HEATR5B: variants seen among roughly 807,000 people sequenced by gnomAD.
HEATR5B encodes HEAT repeat containing 5B.
HEATR5B carries 156 observed loss-of-function variants against 224.1 expected under a neutral mutation model. The observed-to-expected ratio is 0.70, with a 90% CI of 0.61 to 0.80. The LOEUF is 0.80. Among genes scored for constraint, HEATR5B ranks in the 30% least tolerant of loss-of-function variants. HEATR5B has a pLI of 0.00. For synonymous variants in HEATR5B, 1,027 were observed against 893.0 expected (o/e 1.15, Z -2.68); for missense variants, 2,323 against 2,535.5 (o/e 0.92, Z 1.80).
chr2:37,005,828 T>C lies in HEATR5B; in HGVS notation c.4778-69A>G, dbSNP rs1409387111. On this transcript the variant is annotated intron_variant, in intron 29 of 35. Coordinates refer to ENST00000233099, the MANE Select transcript of HEATR5B (RefSeq NM_019024.3). The stretch of plus-strand genomic sequence containing the variant: ...ACTTTATGTTGTTTGATCCCATATT[T>C]CTTCTCTATTTATGTTTTTACAGAT... The C allele has an allele frequency of 4.8e-6, 6 of 1,244,082 alleles. No homozygotes were observed. In the East Asian group the frequency reaches 1.5e-4, roughly 31 times the overall value. The allele number at this position is 1,244,082 out of a possible 1,614,324, so 77.1% of individuals were successfully genotyped here.
intron 18 of HEATR5B, among the ~76,000 whole-genome samples, chr2:37,048,272 C>T (rs1232148967): frequency 6.6e-6 from 1 of 151,630 alleles, no homozygotes; most frequent in Non-Finnish European, 1.5e-5. Context: ...GCAACCTCCA[C>T]CTCCCAGGCT....
In HEATR5B at chr2:37,034,599, C is replaced by T. The variant is rs545326315; in HGVS notation, c.3217-1826G>A. On this transcript the variant is annotated intron_variant, in intron 21 of 35. Coordinates refer to ENST00000233099, the MANE Select transcript of HEATR5B (RefSeq NM_019024.3). ...CTGCACTCCAGCCTGGGCGACACAGCGAGACTCTGTCTCAAAAAAAAAAAA... is the reference window on the plus strand; with the variant it reads ...CTGCACTCCAGCCTGGGCGACACAGTGAGACTCTGTCTCAAAAAAAAAAAA... Among the ~76,000 whole-genome samples, 435 of 108,534 alleles carry T rather than the reference C, an allele frequency of 4.0e-3. 1 individual carries two copies. The highest frequency in any genetic ancestry group is 5.2e-3 in the Non-Finnish European group (302 of 58,638). 71.2% of individuals were successfully genotyped at this position (108,534 alleles called of 152,430 possible).
At chr2:36,997,012 C>T (rs1239435990) in intron 33 of HEATR5B, among the ~76,000 whole-genome samples, 1 of 152,086 alleles carries the variant, frequency 6.6e-6, no homozygotes, top group African/African-American at 2.4e-5. Flanking sequence ...TAAGCCACTG[C>T]GTTTGGCCTC....
intron 24 of HEATR5B, among the ~76,000 whole-genome samples, chr2:37,023,044 G>C (rs887484455): frequency 1.3e-5 from 2 of 151,890 alleles, no homozygotes; most frequent in African/African-American, 4.8e-5. Flanking sequence ...ACTTTAAATA[G>C]CTATTATCAA....
At chr2:37,060,223 G>A (rs1005553565) in intron 12 of HEATR5B, among the ~76,000 whole-genome samples, 1 of 152,126 alleles carries the variant, frequency 6.6e-6, no homozygotes, top group Non-Finnish European at 1.5e-5. Flanking sequence ...AATAACTTTG[G>A]TAATCCTGAG....
chr2:37,009,773 G>C (rs10208258), intron 27 of HEATR5B, among the ~76,000 whole-genome samples: 3 of 145,306 alleles, frequency 2.1e-5, no homozygotes, highest in Admixed American at 6.9e-5. Flanking sequence ...AGCACCCCCC[G>C]CCTCCACTTT....
rs937483665 is a variant in HEATR5B at position 37,084,343 on chromosome 2, T to C, written c.-97A>G. ...CACCAAGAGACCCGGATGCCCCACCTCCCGCACTCCTACCTGCAGGAAACA... is the reference window on the plus strand; with the variant it reads ...CACCAAGAGACCCGGATGCCCCACCCCCCGCACTCCTACCTGCAGGAAACA... On this transcript the variant is annotated 5_prime_UTR_variant, in exon 1 of 36. Coordinates refer to ENST00000233099, the MANE Select transcript of HEATR5B (RefSeq NM_019024.3). The C allele has an allele frequency of 1.1e-5, 5 of 438,530 alleles. No individual in the cohort carries two copies. Among genetic ancestry groups the C allele is most frequent in the Non-Finnish European group, 1.9e-5 (5 of 264,290 alleles). The allele number at this position is 438,530 out of a possible 1,614,324, so 27.2% of individuals were successfully genotyped here. A position where few individuals can be genotyped will look rare whatever the true frequency, so the allele number is the denominator to read the frequency against.
chr2:37,042,856 C>A (rs1046442864), intron 18 of HEATR5B, among the ~76,000 whole-genome samples: 13 of 145,960 alleles, frequency 8.9e-5, no homozygotes, highest in African/African-American at 3.3e-4. Flanking sequence ...CGCGCCACTG[C>A]ACTCCAGCCT....
chr2:37,033,410 T>C (rs1172355484), intron 21 of HEATR5B, among the ~76,000 whole-genome samples: 1 of 152,210 alleles, frequency 6.6e-6, no homozygotes, highest in African/African-American at 2.4e-5. Context: ...ATTTTACACA[T>C]GGTCCTATTC....
intron 18 of HEATR5B, among the ~76,000 whole-genome samples, chr2:37,041,966 T>C (rs923759972): frequency 1.3e-5 from 2 of 151,922 alleles, no homozygotes; most frequent in Admixed American, 6.6e-5. Flanking sequence ...TTCACAGTAT[T>C]ACATAAAATA....
chr2:36,987,147 G>T (rs1452999537), intron 35 of HEATR5B, among the ~76,000 whole-genome samples: 1 of 152,100 alleles, frequency 6.6e-6, no homozygotes, highest in Admixed American at 6.6e-5. Context: ...TGCTCATCTC[G>T]GCCAGGTGCA....
chr2:37,019,883 AAAAT>A lies in HEATR5B; in HGVS notation c.4036-10_4036-7del, dbSNP rs1668361144. On this transcript the variant is annotated splice_region_variant and splice_polypyrimidine_tract_variant and intron_variant, in intron 25 of 35. Transcript: ENST00000233099. ...GGTCTTAGAGCAGCTCCCACCTAGA[AAAAT>A]AAATAAAGCATTTTATTTTTTACTT... The A allele has an allele frequency of 3.8e-6, 6 of 1,581,606 alleles. No individual in the cohort carries two copies. Among genetic ancestry groups the A allele is most frequent in the Non-Finnish European group, 5.2e-6 (6 of 1,157,964 alleles).
intron 24 of HEATR5B, among the ~76,000 whole-genome samples, chr2:37,027,210 A>G (rs1162046840): frequency 1.3e-5 from 2 of 152,208 alleles, no homozygotes; most frequent in Non-Finnish European, 2.9e-5. Flanking sequence ...AACACATACA[A>G]TTTGTCTTCA....
intron 2 of HEATR5B, among the ~76,000 whole-genome samples, chr2:37,081,115 T>C (rs1025483773): frequency 7.2e-5 from 11 of 152,316 alleles, no homozygotes; most frequent in Non-Finnish European, 7.4e-5. Flanking sequence ...CTGTCATCAG[T>C]AATGGCTGGA....
At chr2:37,016,116 T>TC (rs1199827035) in intron 26 of HEATR5B, among the ~76,000 whole-genome samples, 9 of 148,276 alleles carry the variant, frequency 6.1e-5, no homozygotes, top group Admixed American at 2.7e-4. Context: ...TTACTTTCTT[T>TC]TTTTTTTTTT....
chr2:37,053,091 G>A (rs17020164), intron 17 of HEATR5B, among the ~76,000 whole-genome samples: 3,396 of 152,252 alleles, frequency 0.022, 125 homozygotes, highest in African/African-American at 0.078. Context: ...ACCTAGAGTA[G>A]CTTAATGAGA....
In HEATR5B at chr2:37,052,963, G is replaced by T. The variant is rs529163493; in HGVS notation, c.2505+539C>A. Among the ~76,000 whole-genome samples, 210 of 152,320 alleles carry T rather than the reference G, an allele frequency of 1.4e-3. 1 individual carries two copies. Among genetic ancestry groups the T allele is most frequent in the Middle Eastern group, 0.014 (4 of 294 alleles). Reference sequence around the variant, plus strand: ...AAATCACAGTTGACCATTGGTAATTGAAACTGCAGAAAGCAAAACTGCAGA... The same window carrying T: ...AAATCACAGTTGACCATTGGTAATTTAAACTGCAGAAAGCAAAACTGCAGA... On this transcript the variant is annotated intron_variant, in intron 17 of 35. Coordinates refer to ENST00000233099, the MANE Select transcript of HEATR5B (RefSeq NM_019024.3).
At chr2:36,982,616 T>G (rs956200208) in intron 35 of HEATR5B, among the ~76,000 whole-genome samples, 3 of 152,140 alleles carry the variant, frequency 2.0e-5, no homozygotes, top group Admixed American at 1.3e-4. Flanking sequence ...AAGCATCTGG[T>G]AGAGAATGTG....
chr2:37,007,093 T>G lies in HEATR5B; in HGVS notation c.4734A>C (p.Lys1578Asn), dbSNP rs1260932595. The G allele has an allele frequency of 6.2e-7, 1 of 1,614,132 alleles. No homozygotes were observed. The highest frequency in any genetic ancestry group is 1.1e-5 in the South Asian group (1 of 91,080). Residue 1578 changes from lysine (K) to asparagine (N), a missense_variant, in exon 29 of 36, where the codon AAA becomes AAC. Lys to Asn is a moderately conservative substitution (Grantham distance 94). This residue lies in a region of HEATR5B where 844 missense variants were observed against 812.9 expected (regional missense o/e 1.04). Transcript: ENST00000233099. ...NQASGAVGSA[K>N]SLPEINKDRM... is the part of the protein sequence containing the mutation. The stretch of plus-strand genomic sequence containing the variant: ...TGTCTTTGTTAATTTCTGGCAAAGA[T>G]TTAGCACTACCCACTGCTCCTGATG...
Sources: allele counts gnomAD v4.1 joint callset (sites outside exome capture counted in the v4.1 genomes callset), GRCh38; gene constraint gnomAD v4.1.1; regional missense constraint gnomAD v4.1.1; transcripts MANE v1.5; gene names NCBI Gene and HGNC (gene_info 2026-07-23, HGNC 2026-07-21).